Variants in LDLRAD3 observed in about 807,000 individuals in gnomAD.
LDLRAD3 encodes low-density lipoprotein receptor class A domain-containing protein 3.
Under a neutral mutation model 29.4 loss-of-function variants are expected in LDLRAD3, and 20 were observed. The observed-to-expected ratio is 0.68, with a 90% confidence interval of 0.48 to 0.99. The LOEUF is 0.99. LDLRAD3 is among the 50% of genes least tolerant of loss of function. LDLRAD3 has a pLI of 0.00. For synonymous variants in LDLRAD3, 157 were observed against 192.7 expected, an observed-to-expected ratio of 0.81 and a Z score of 1.53; for missense variants, 420 against 454.3, an observed-to-expected ratio of 0.92 and a Z score of 0.69.
chr11:35,984,661 C>T (rs1002790936), intron 1 of LDLRAD3, among the ~76,000 whole-genome samples: 4 of 152,102 alleles, frequency 2.6e-5, no homozygotes, highest in African/African-American at 4.8e-5. Context: ...GATGGAGTTT[C>T]GCTCTTGTTG....
intron 1 of LDLRAD3, among the ~76,000 whole-genome samples, chr11:35,983,004 C>G (rs1851562250): frequency 6.6e-6 from 1 of 152,068 alleles, no homozygotes; most frequent in Non-Finnish European, 1.5e-5. Flanking sequence ...CAGGTGTGCA[C>G]CACCATGCCT....
At chr11:36,072,865 C>T (rs986919153) in intron 2 of LDLRAD3, among the ~76,000 whole-genome samples, 10 of 152,208 alleles carry the variant, frequency 6.6e-5, no homozygotes, top group African/African-American at 2.2e-4. Context: ...CTAGTTCTCA[C>T]GTGGACCCCA....
At chr11:36,220,605 G>C (rs911155433) in intron 4 of LDLRAD3, among the ~76,000 whole-genome samples, 10 of 152,134 alleles carry the variant, frequency 6.6e-5, no homozygotes, top group African/African-American at 2.4e-4. Context: ...TGATGCAAAG[G>C]ACTATGTAAA....
chr11:36,077,018 T>C (rs922899281), intron 2 of LDLRAD3, among the ~76,000 whole-genome samples: 3 of 152,204 alleles, frequency 2.0e-5, no homozygotes, highest in Non-Finnish European at 4.4e-5. Context: ...CCACATGTGA[T>C]TGATTTTAAG....
intron 1 of LDLRAD3, among the ~76,000 whole-genome samples, chr11:35,986,999 A>C (rs924878589): frequency 6.6e-6 from 1 of 152,214 alleles, no homozygotes; most frequent in Admixed American, 6.5e-5. Flanking sequence ...CTCAGCACTC[A>C]GCAAAGGTTA....
chr11:36,087,715 A>AT (rs200090248), intron 3 of LDLRAD3, among the ~76,000 whole-genome samples: 97 of 148,742 alleles, frequency 6.5e-4, no homozygotes, highest in East Asian at 1.8e-3. Context: ...AGTATATATA[A>AT]TTTTTTTTTT....
intron 4 of LDLRAD3, among the ~76,000 whole-genome samples, chr11:36,194,592 T>C (rs1345116916): frequency 6.6e-6 from 1 of 152,206 alleles, no homozygotes; most frequent in Non-Finnish European, 1.5e-5. Flanking sequence ...AGTCCTATTC[T>C]CCATGGGTTC....
chr11:36,193,947 A>G (rs1317282325), intron 4 of LDLRAD3, among the ~76,000 whole-genome samples: 1 of 152,244 alleles, frequency 6.6e-6, no homozygotes. Context: ...ATAGGAATTT[A>G]TAAACTGGGA....
intron 1 of LDLRAD3, among the ~76,000 whole-genome samples, chr11:35,964,205 A>G (rs1353809955): frequency 1.3e-5 from 2 of 152,186 alleles, no homozygotes; most frequent in African/African-American, 4.8e-5. Flanking sequence ...CATGTTCCCA[A>G]TTATTTGGTG....
chr11:36,070,075 G>A (rs917217385), intron 2 of LDLRAD3, among the ~76,000 whole-genome samples: 2 of 152,170 alleles, frequency 1.3e-5, no homozygotes, highest in Non-Finnish European at 2.9e-5. Context: ...ACATGCAGAG[G>A]CTCCTTTACC....
intron 2 of LDLRAD3, among the ~76,000 whole-genome samples, chr11:36,046,335 TGA>T (rs1485352091): frequency 6.6e-6 from 1 of 152,178 alleles, no homozygotes; most frequent in African/African-American, 2.4e-5. Flanking sequence ...CATGTGGAAC[TGA>T]GAGTCCAATA....
In LDLRAD3 at chr11:36,231,787, T is replaced by C. The variant is rs1161170245; in HGVS notation, c.*2390T>C. On this transcript the variant is annotated 3_prime_UTR_variant, in exon 6 of 6. Coordinates refer to ENST00000315571, the MANE Select transcript of LDLRAD3 (RefSeq NM_174902.4). Reference sequence around the variant, plus strand: ...TGTTTTCCAACTCAAGATGGCACATTAGTGGCCAGCAATATTTTTTAACTC... The same window carrying C: ...TGTTTTCCAACTCAAGATGGCACATCAGTGGCCAGCAATATTTTTTAACTC... 6.6e-6 allele frequency: 1 copy of C among 152,142 alleles called. No individual in the cohort carries two copies. The highest frequency in any genetic ancestry group is 1.5e-5 in the Non-Finnish European group (1 of 68,032). The allele number at this position is 152,142 out of a possible 1,614,324, so 9.4% of individuals were successfully genotyped here.
chr11:36,132,810 G>A (rs1170472110), intron 4 of LDLRAD3, among the ~76,000 whole-genome samples: 1 of 152,168 alleles, frequency 6.6e-6, no homozygotes, highest in African/African-American at 2.4e-5. Flanking sequence ...CATAAGTAAC[G>A]TACTCATGCG....
At chr11:36,030,987 C>T (rs1460112891) in intron 1 of LDLRAD3, among the ~76,000 whole-genome samples, 3 of 152,142 alleles carry the variant, frequency 2.0e-5, no homozygotes, top group East Asian at 1.9e-4. Flanking sequence ...TTTGGGCCCC[C>T]TTGTCAAATA....
intron 2 of LDLRAD3, among the ~76,000 whole-genome samples, chr11:36,039,124 T>C (rs1039588226): frequency 6.6e-6 from 1 of 152,022 alleles, no homozygotes; most frequent in African/African-American, 2.4e-5. Flanking sequence ...CGCCCGCCAC[T>C]ACGCCCGGCT....
chr11:36,002,242 C>T (rs933178024), intron 1 of LDLRAD3, among the ~76,000 whole-genome samples: 14 of 152,350 alleles, frequency 9.2e-5, no homozygotes, highest in East Asian at 3.9e-4. Context: ...TACTAGCATA[C>T]ACTTAACAGT....
intron 4 of LDLRAD3, among the ~76,000 whole-genome samples, chr11:36,158,680 G>A (rs958005751): frequency 6.6e-6 from 1 of 152,214 alleles, no homozygotes; most frequent in East Asian, 1.9e-4. Context: ...TATCCCATCA[G>A]CTGGAGCAGT....
chr11:36,065,739 C>T (rs567608171), intron 2 of LDLRAD3, among the ~76,000 whole-genome samples: 2 of 152,264 alleles, frequency 1.3e-5, no homozygotes, highest in Admixed American at 1.3e-4. Context: ...GTCTTCAGTT[C>T]CCGTGGGTGT....
intron 1 of LDLRAD3, among the ~76,000 whole-genome samples, chr11:35,996,876 G>A (rs1851761887): frequency 6.6e-6 from 1 of 152,168 alleles, no homozygotes; most frequent in Admixed American, 6.5e-5. Flanking sequence ...AGTACAGTAG[G>A]TACGATATTG....
Sources: allele counts gnomAD v4.1 joint callset (sites outside exome capture counted in the v4.1 genomes callset), GRCh38; gene constraint gnomAD v4.1.1; transcripts MANE v1.5; gene names NCBI Gene and HGNC (gene_info 2026-07-23, HGNC 2026-07-21).